Variants in PINLYP observed in about 807,000 individuals in gnomAD.
The protein encoded by PINLYP is phospholipase A2 inhibitor and LY6/PLAUR domain containing, also known as phospholipase A2 inhibitor and Ly6/PLAUR domain-containing protein.
In PINLYP, 12 loss-of-function variants were observed where a neutral mutation model predicts 15.8. The observed-to-expected ratio is 0.76, with a 90% CI of 0.49 to 1.23. PINLYP has a LOEUF of 1.23. Among genes scored for constraint, PINLYP ranks in the 50% most tolerant of loss-of-function variants. PINLYP has a pLI of 0.00. For synonymous variants in PINLYP, 93 were observed against 97.7 expected (o/e 0.95, Z 0.28); for missense variants, 278 against 264.2 (o/e 1.05, Z -0.36).
chr19:43,578,501 C>A, intron 2 of PINLYP, 89 bp from the exon 3 acceptor site: 1 of 902,996 alleles, frequency 1.1e-6, no homozygotes, highest in Admixed American at 2.2e-5. Context: ...GGTCCCTCCT[C>A]TCTCAGGACA....
exon 5 of PINLYP, chr19:43,581,615 G>C (rs1023681153): frequency 1.3e-6 from 2 of 1,536,574 alleles, no homozygotes; most frequent in Non-Finnish European, 1.7e-6. Context: ...CCTGCACTGC[G>C]AGCTTCAGGG....
chr19:43,576,523 C>T (rs900989794), exon 1 of PINLYP, among the ~76,000 whole-genome samples: 10 of 152,124 alleles, frequency 6.6e-5, no homozygotes, highest in Admixed American at 3.9e-4. Context: ...TCCACAAAAG[C>T]CTCAGTTTCC....
chr19:43,578,760 G>T, intron 3 of PINLYP, 54 bp downstream of exon 3: 1 of 1,336,468 alleles, frequency 7.5e-7, no homozygotes, highest in South Asian at 1.3e-5. Flanking sequence ...CCTTCAGGGT[G>T]GAAGAGACTA....
chr19:43,576,538 A>G lies in PINLYP; in HGVS notation c.-459A>G, dbSNP rs1473773337. 6.6e-6 allele frequency among the ~76,000 whole-genome samples: 1 copy of G among 152,014 alleles called. No homozygotes were observed. The highest frequency in any genetic ancestry group is 6.5e-5 in the Admixed American group (1 of 15,270). ...TCCACAAAAGCCTCAGTTTCCCAAT[A>G]TGTGGACTGTGGGCATCTGTCTTTT... On this transcript the variant is annotated 5_prime_UTR_variant, in exon 1 of 6. In the 5' UTR this introduces an upstream ATG that the reference lacks. Transcript: ENST00000599207.
At position 43,577,524 on chromosome 19, in the gene PINLYP, G is replaced by A. The variant is rs113779893; in HGVS notation, c.70+263G>A. Among the ~76,000 whole-genome samples, 933 of 151,822 alleles carry A rather than the reference G, an allele frequency of 6.1e-3. 4 individuals are homozygous for A. Among genetic ancestry groups the A allele is most frequent in the Non-Finnish European group, 0.011 (723 of 67,942 alleles). On this transcript the variant is annotated intron_variant, in intron 2 of 5. Coordinates refer to ENST00000599207, the Ensembl canonical transcript of PINLYP. ...TCTGAATCCTCCATCCTCCAGGAAGGATCCCAAACACATCTCAATTCTAGG... is the reference window on the plus strand; with the variant it reads ...TCTGAATCCTCCATCCTCCAGGAAGAATCCCAAACACATCTCAATTCTAGG...
At chr19:43,577,151 C>T (rs1316374526) in exon 2 of PINLYP, 1 of 1,535,998 alleles carries the variant, frequency 6.5e-7, no homozygotes, top group East Asian at 2.4e-5. Context: ...TCCTCAGCTT[C>T]CTATAAAAGC....
At chr19:43,577,494 T>C (rs1038119296) in intron 2 of PINLYP, among the ~76,000 whole-genome samples, 1 of 151,792 alleles carries the variant, frequency 6.6e-6, no homozygotes, top group Non-Finnish European at 1.5e-5. Flanking sequence ...AGGGGCTTGG[T>C]GGGCTCTGAA....
chr19:43,581,585 G>GAAT, exon 5 of PINLYP: 1 of 1,536,330 alleles, frequency 6.5e-7, no homozygotes, highest in Non-Finnish European at 8.7e-7. Context: ...ATCTTACTGA[G>GAAT]AATGGCCTGA....
intron 3 of PINLYP, among the ~76,000 whole-genome samples, chr19:43,579,704 G>A (rs1360620887): frequency 6.8e-6 from 1 of 146,564 alleles, no homozygotes; most frequent in Non-Finnish European, 1.5e-5. Context: ...TTTGAGACCA[G>A]CCTGGACAAC....
chr19:43,576,468 A>C (rs1424319978), exon 1 of PINLYP, among the ~76,000 whole-genome samples: 4 of 147,752 alleles, frequency 2.7e-5, no homozygotes, highest in African/African-American at 1.0e-4. Flanking sequence ...GCATGTGCCC[A>C]ACCCCCACCA....
chr19:43,581,203 A>G lies in PINLYP; in HGVS notation c.188-9A>G, dbSNP rs1972927210. 6.5e-7 allele frequency: 1 copy of G among 1,536,484 alleles called. No homozygotes were observed. The highest frequency in any genetic ancestry group is 2.0e-5 in the Admixed American group (1 of 50,958). ...GCCAGCACTGTCCCTGCCTGTCCCC[A>G]TCCCACAGAGGGCAAGGAGTTGGTG... On this transcript the variant is annotated splice_polypyrimidine_tract_variant and intron_variant, in intron 3 of 5. Coordinates refer to ENST00000599207, the Ensembl canonical transcript of PINLYP.
chr19:43,580,079 G>A (rs1316393083), intron 3 of PINLYP, among the ~76,000 whole-genome samples: 1 of 152,152 alleles, frequency 6.6e-6, no homozygotes, highest in African/African-American at 2.4e-5. Context: ...GCCTGGTGAG[G>A]GAATAAAGGC....
At chr19:43,576,359 A>G (rs1972862973) in exon 1 of PINLYP, among the ~76,000 whole-genome samples, 1 of 151,630 alleles carries the variant, frequency 6.6e-6, no homozygotes, top group South Asian at 2.1e-4. Flanking sequence ...ATATACATAC[A>G]TACGCGCGCG....
intron 3 of PINLYP, 108 bp from the exon 4 acceptor site, chr19:43,581,104 A>C (rs1972925680): frequency 8.4e-7 from 1 of 1,196,660 alleles, no homozygotes; most frequent in Non-Finnish European, 1.1e-6. Flanking sequence ...AGACCATCCC[A>C]GGAAGTTGTG....
intron 3 of PINLYP, chr19:43,580,807 G>T: frequency 3.0e-6 from 2 of 664,158 alleles, no homozygotes; most frequent in Non-Finnish European, 3.8e-6. Context: ...GCTTGAAAGA[G>T]ACCGCCCCGG....
At chr19:43,577,028 T>G (rs1434619241) in intron 1 of PINLYP, 87 bp from the exon 2 acceptor site, 14 of 1,334,140 alleles carry the variant, frequency 1.0e-5, no homozygotes, top group Non-Finnish European at 1.4e-5. Context: ...GATGCCCAGG[T>G]CACTTTTGGA....
chr19:43,579,406 T>C (rs1275422568), intron 3 of PINLYP, among the ~76,000 whole-genome samples: 1 of 151,562 alleles, frequency 6.6e-6, no homozygotes, highest in African/African-American at 2.4e-5. Flanking sequence ...CCACCACACC[T>C]GGCTAATTTT....
chr19:43,580,080 G>A (rs1972911628), intron 3 of PINLYP, among the ~76,000 whole-genome samples: 1 of 152,146 alleles, frequency 6.6e-6, no homozygotes, highest in Non-Finnish European at 1.5e-5. Flanking sequence ...CCTGGTGAGG[G>A]AATAAAGGCG....
chr19:43,576,251 T>G (rs2146078418), exon 1 of PINLYP, among the ~76,000 whole-genome samples: 1 of 152,276 alleles, frequency 6.6e-6, no homozygotes, highest in East Asian at 1.9e-4. Flanking sequence ...TTTCGTAGTT[T>G]CGTAGGGAAC....
Sources: allele counts gnomAD v4.1 joint callset (sites outside exome capture counted in the v4.1 genomes callset), GRCh38; gene constraint gnomAD v4.1.1; transcripts MANE v1.5; gene names NCBI Gene and HGNC (gene_info 2026-07-23, HGNC 2026-07-21).